The following RASGRF1 variants were observed in gnomAD, a reference collection of about 807,000 sequenced individuals.
The protein encoded by RASGRF1 is ras-specific guanine nucleotide-releasing factor 1.
Under a neutral mutation model 138.7 loss-of-function variants are expected in RASGRF1, and 40 were observed. That is an observed-to-expected ratio of 0.29 (90% CI 0.22 to 0.38). The LOEUF (loss-of-function observed/expected upper bound fraction) is 0.38, where lower values mean the gene tolerates loss of function less well. Among genes scored for constraint, RASGRF1 ranks in the 10% least tolerant of loss-of-function variants. The pLI, the probability that RASGRF1 is intolerant of heterozygous loss-of-function variation, is 1.00. For missense variants in RASGRF1, 1,108 were observed against 1,650.4 expected (o/e 0.67, Z 5.69); for synonymous variants, 614 against 663.2 (o/e 0.93, Z 1.14).
intron 22 of RASGRF1, among the ~76,000 whole-genome samples, chr15:78,988,784 C>T (rs974600440): frequency 6.6e-6 from 1 of 151,186 alleles, no homozygotes; most frequent in Non-Finnish European, 1.5e-5. Context: ...GTGGACCCGG[C>T]TCTGTGGTTC....
intron 5 of RASGRF1, among the ~76,000 whole-genome samples, chr15:79,035,460 G>T (rs1180509499): frequency 1.3e-5 from 2 of 152,222 alleles, no homozygotes; most frequent in African/African-American, 4.8e-5. Flanking sequence ...ATTAAATCAA[G>T]CCCAGGCTCG....
At chr15:79,037,868 A>G (rs1366768134) in intron 5 of RASGRF1, among the ~76,000 whole-genome samples, 1 of 152,040 alleles carries the variant, frequency 6.6e-6, no homozygotes, top group African/African-American at 2.4e-5. Context: ...AGATGGTCCC[A>G]TCTGGGGGTA....
intron 5 of RASGRF1, among the ~76,000 whole-genome samples, chr15:79,037,287 G>C (rs542602887): frequency 6.6e-5 from 10 of 152,126 alleles, no homozygotes; most frequent in African/African-American, 2.4e-4. Flanking sequence ...GGGTTCTTGA[G>C]GGAGCCATAT....
At chr15:78,994,114 T>C (rs774718314) in intron 20 of RASGRF1, among the ~76,000 whole-genome samples, 2 of 152,218 alleles carry the variant, frequency 1.3e-5, no homozygotes, top group Non-Finnish European at 2.9e-5. Context: ...GGTGAGCCCC[T>C]GTTGGGAAAC....
At chr15:78,986,295 G>A (rs150773255) in intron 22 of RASGRF1, among the ~76,000 whole-genome samples, 1 of 152,188 alleles carries the variant, frequency 6.6e-6, no homozygotes, top group African/African-American at 2.4e-5. Flanking sequence ...GCAAGGAGCT[G>A]AAACAGCAGG....
At chr15:79,038,148 C>T (rs778642692) in intron 5 of RASGRF1, among the ~76,000 whole-genome samples, 1 of 152,112 alleles carries the variant, frequency 6.6e-6, no homozygotes, top group Non-Finnish European at 1.5e-5. Context: ...GTCTGTGGCC[C>T]AGGGATTGGG....
chr15:79,057,747 A>G (rs1173548181), intron 3 of RASGRF1, among the ~76,000 whole-genome samples: 3 of 152,234 alleles, frequency 2.0e-5, no homozygotes, highest in Non-Finnish European at 4.4e-5. Flanking sequence ...GGTGAAACCA[A>G]TGCTGCTGCT....
At chr15:79,001,313 A>G (rs1278708776) in intron 16 of RASGRF1, among the ~76,000 whole-genome samples, 2 of 150,458 alleles carry the variant, frequency 1.3e-5, no homozygotes, top group Non-Finnish European at 3.0e-5. Context: ...GGGGTTCAGG[A>G]AGCACCTTCT....
At chr15:79,053,801 C>A (rs759205318) in intron 3 of RASGRF1, among the ~76,000 whole-genome samples, 20 of 152,226 alleles carry the variant, frequency 1.3e-4, no homozygotes, top group Non-Finnish European at 2.5e-4. Flanking sequence ...CACAGAGCCC[C>A]AGGCTTACAA....
Position 79,075,777 on chromosome 15 carries a change from CT to C in RASGRF1, c.277-11252del, listed in dbSNP as rs1435082965. Among the ~76,000 whole-genome samples, 4 of 152,324 alleles carry C rather than the reference CT, an allele frequency of 2.6e-5. No homozygotes were observed. The East Asian group carries it at 7.7e-4, about 29-fold the overall frequency. On this transcript the variant is annotated intron_variant, in intron 1 of 26. Coordinates refer to ENST00000558480, the MANE Select transcript of RASGRF1 (RefSeq NM_001145648.3). Reference sequence around the variant, plus strand: ...TACAGACAGAGGAGCAGGTGGAACCCTCCATAGCTGAGTCTGGGTCTGGCAG... The same window carrying C: ...TACAGACAGAGGAGCAGGTGGAACCCCCATAGCTGAGTCTGGGTCTGGCAG...
chr15:79,007,598 G>A (rs1367473646), intron 13 of RASGRF1, among the ~76,000 whole-genome samples: 1 of 142,668 alleles, frequency 7.0e-6, no homozygotes, highest in African/African-American at 2.6e-5. Context: ...TCAGGCTGGA[G>A]TACAGTGCGG....
intron 1 of RASGRF1, among the ~76,000 whole-genome samples, chr15:79,089,574 C>A (rs953239051): frequency 3.3e-5 from 5 of 152,242 alleles, no homozygotes; most frequent in Admixed American, 1.3e-4. Context: ...CTAGCCCCGG[C>A]GCATCAGAGC....
At chr15:78,979,180 G>A (rs1206806794) in intron 24 of RASGRF1, 2 of 1,286,430 alleles carry the variant, frequency 1.6e-6, no homozygotes, top group Non-Finnish European at 1.0e-6. Context: ...GAGACGGCTG[G>A]ACAGCACAGA....
intron 14 of RASGRF1, chr15:79,005,295 TC>T (rs1567501280): frequency 6.1e-6 from 6 of 985,706 alleles, no homozygotes; most frequent in Non-Finnish European, 7.2e-6. Context: ...ATGGTGAGGT[TC>T]CTGGGGAGCC....
chr15:79,074,759 G>A (rs138393520), intron 1 of RASGRF1, among the ~76,000 whole-genome samples: 15 of 152,232 alleles, frequency 9.9e-5, no homozygotes, highest in African/African-American at 3.1e-4. Flanking sequence ...CCAATGGGCC[G>A]CACCCGATTT....
chr15:78,966,971 CT>C (rs1187388227), intron 26 of RASGRF1, among the ~76,000 whole-genome samples: 1 of 151,942 alleles, frequency 6.6e-6, no homozygotes, highest in East Asian at 1.9e-4. Context: ...AATAAAATAT[CT>C]TATTATAGTT....
At chr15:79,031,584 C>G in intron 7 of RASGRF1, 75 bp from the exon 8 acceptor site, 1 of 682,368 alleles carries the variant, frequency 1.5e-6, no homozygotes, top group Non-Finnish European at 2.3e-6. Context: ...CAGGGGCAGA[C>G]AGGGAGTGAG....
At chr15:79,024,040 AACAC>A (rs372130368) in intron 10 of RASGRF1, among the ~76,000 whole-genome samples, 10 of 146,322 alleles carry the variant, frequency 6.8e-5, no homozygotes, top group South Asian at 2.2e-4. Flanking sequence ...CACACATACA[AACAC>A]ACACACACAC....
In RASGRF1 at chr15:78,989,985, C is replaced by A. The variant is rs1169650361; in HGVS notation, c.3216+204G>T. The A allele has an allele frequency of 6.6e-6, 4 of 602,208 alleles. No homozygotes were observed. The African/African-American group carries it at 7.4e-5, about 11-fold the overall frequency. 37.3% of individuals were successfully genotyped at this position (602,208 alleles called of 1,614,324 possible). On this transcript the variant is annotated intron_variant, in intron 22 of 26. Transcript: ENST00000558480. ...CGCAGTTAATCCTCCTATGACTGTT[C>A]CATGGTCAGCCCCACTTAATAGGAG...
Sources: allele counts gnomAD v4.1 joint callset (sites outside exome capture counted in the v4.1 genomes callset), GRCh38; gene constraint gnomAD v4.1.1; transcripts MANE v1.5; gene names NCBI Gene and HGNC (gene_info 2026-07-23, HGNC 2026-07-21).